TRPM4: variants seen among roughly 807,000 people sequenced by gnomAD.
The protein encoded by TRPM4 is calcium-activated non-selective cation channel 1.
TRPM4 carries 124 observed loss-of-function variants against 135.6 expected under a neutral mutation model. That is an observed-to-expected ratio of 0.91 (90% confidence interval 0.79 to 1.06). TRPM4 has a LOEUF of 1.06. TRPM4 is among the 50% of genes least tolerant of loss of function. TRPM4 has a pLI of 0.00. For synonymous variants in TRPM4, 745 were observed against 705.6 expected (o/e 1.06, Z -0.88); for missense variants, 1,658 against 1,671.4 (o/e 0.99, Z 0.14).
intron 16 of TRPM4, among the ~76,000 whole-genome samples, chr19:49,195,683 ATTT>A (rs1293818542): frequency 1.6e-5 from 2 of 127,158 alleles, no homozygotes; most frequent in African/African-American, 2.9e-5. Flanking sequence ...TTCTACTTTA[ATTT>A]TTTTTTTTTT....
Position 49,200,710 on chromosome 19 carries a change from C to T in TRPM4, c.2878C>T (p.Pro960Ser). 1.9e-6 allele frequency: 3 copies of T among 1,614,066 alleles called. No homozygotes were observed. The highest frequency in any genetic ancestry group is 2.5e-6 in the Non-Finnish European group (3 of 1,180,012). ...GLLRPRDSDF[P>S]SILRRVFYRP... Reference sequence around the variant, plus strand: ...CCTGAGGCCACGGGACAGTGACTTCCCAAGTATCCTGCGCCGCGTCTTCTA... The same window carrying T: ...CCTGAGGCCACGGGACAGTGACTTCTCAAGTATCCTGCGCCGCGTCTTCTA... The change falls in exon 19 of 25, where the codon CCA (proline) becomes TCA (serine). Residue 960 changes from proline to serine, a missense_variant. Coordinates refer to ENST00000252826, the MANE Select transcript of TRPM4 (RefSeq NM_017636.4).
At chr19:49,201,000 C>CTTTTCTT (rs1968911329) in intron 19 of TRPM4, among the ~76,000 whole-genome samples, 6 of 140,760 alleles carry the variant, frequency 4.3e-5, no homozygotes, top group African/African-American at 1.3e-4. Context: ...TTTCTTTTTT[C>CTTTTCTT]TTTTTTTTTT....
chr19:49,195,869 T>TTTA (rs746763684), intron 16 of TRPM4, among the ~76,000 whole-genome samples: 5,586 of 148,792 alleles, frequency 0.038, 136 homozygotes, highest in African/African-American at 0.044. Context: ...TTTTATTTAT[T>TTTA]TTATTATTAT....
chr19:49,166,291 G>T, intron 3 of TRPM4, 76 bp downstream of exon 3: 1 of 1,460,100 alleles, frequency 6.8e-7, no homozygotes, highest in Non-Finnish European at 9.2e-7. Flanking sequence ...GAGCCGGGAC[G>T]CCCGCCCTGA....
In TRPM4 at chr19:49,158,182, C is replaced by T. The variant is rs369312031; in HGVS notation, c.25-10C>T. 166 of 1,613,544 alleles carry T rather than the reference C, an allele frequency of 1.0e-4. 1 individual carries two copies. The Middle Eastern group carries it at 1.3e-3, about 13-fold the overall frequency. On this transcript the variant is annotated splice_polypyrimidine_tract_variant and intron_variant, in intron 1 of 24. Coordinates refer to ENST00000252826, the MANE Select transcript of TRPM4 (RefSeq NM_017636.4). The stretch of plus-strand genomic sequence containing the variant: ...CCCACTTCCACCCCTACATTTGTTC[C>T]TGTCCCCAGAGCTGGATCCCCAAGA...
At chr19:49,189,145 G>A in intron 14 of TRPM4, 54 bp downstream of exon 14, 1 of 1,611,420 alleles carries the variant, frequency 6.2e-7, no homozygotes. Context: ...ACTCTGGGAA[G>A]TATGGGGATG....
chr19:49,208,749 C>T (rs541825659), intron 20 of TRPM4, among the ~76,000 whole-genome samples: 14 of 152,056 alleles, frequency 9.2e-5, no homozygotes, highest in African/African-American at 3.1e-4. Flanking sequence ...CTTGCCTTGG[C>T]ACCTGGGTGG....
chr19:49,158,069 C>G, intron 1 of TRPM4, 123 bp from the exon 2 acceptor site: 1 of 1,285,970 alleles, frequency 7.8e-7, no homozygotes, highest in Non-Finnish European at 1.1e-6. Flanking sequence ...AGCGGGAGGG[C>G]GCTGGGGGCC....
intron 15 of TRPM4, 124 bp downstream of exon 15, chr19:49,190,444 C>T (rs557028783): frequency 1.1e-6 from 1 of 931,568 alleles, no homozygotes; most frequent in African/African-American, 1.6e-5. Flanking sequence ...GAATGGGACT[C>T]TCTGTCCCTC....
rs1405803054 is a variant in TRPM4, at chr19:49,158,313, G to C, written c.92+54G>C. On this transcript the variant is annotated intron_variant, in intron 2 of 24. Transcript: ENST00000252826. ...AGAGGGTCCGCGGCCCGCTGACCCC[G>C]CCCGCGGATGGTCACGCCCCAGCCC... 2.6e-6 allele frequency: 4 copies of C among 1,526,250 alleles called. No individual in the cohort carries two copies. In the East Asian group the frequency reaches 6.8e-5, roughly 26 times the overall value. The allele number at this position is 1,526,250 out of a possible 1,614,324, so 94.5% of individuals were successfully genotyped here.
rs1265203824 is a variant in TRPM4, at chr19:49,171,309, G to A, written c.797-48G>A. On this transcript the variant is annotated intron_variant, in intron 6 of 24. Coordinates refer to ENST00000252826, the MANE Select transcript of TRPM4 (RefSeq NM_017636.4). This position sits in a 1 kb window ranked among gnomAD's most constrained non-coding sequence, Gnocchi z 4.7. Reference sequence around the variant, plus strand: ...GAAATGCGGTTTTCTCCTATCTCCAGCAAAGGCTGATGGGAGGTAATCAAG... The same window carrying A: ...GAAATGCGGTTTTCTCCTATCTCCAACAAAGGCTGATGGGAGGTAATCAAG... 1.2e-6 allele frequency: 2 copies of A among 1,609,054 alleles called. No individual in the cohort carries two copies. The highest frequency in any genetic ancestry group is 1.7e-6 in the Non-Finnish European group (2 of 1,175,454).
intron 17 of TRPM4, among the ~76,000 whole-genome samples, chr19:49,200,015 C>A (rs1968853275): frequency 6.6e-6 from 1 of 152,134 alleles, no homozygotes; most frequent in Non-Finnish European, 1.5e-5. Context: ...GACAGATATT[C>A]CGGCAGTTTT....
chr19:49,210,546 C>G lies in TRPM4; in HGVS notation c.3328+141C>G. 1 of 1,417,900 alleles carries G rather than the reference C, an allele frequency of 7.1e-7. No individual in the cohort carries two copies. The highest frequency in any genetic ancestry group is 9.7e-7 in the Non-Finnish European group (1 of 1,025,818). The allele number at this position is 1,417,900 out of a possible 1,614,324, so 87.8% of individuals were successfully genotyped here. A position where few individuals can be genotyped will look rare whatever the true frequency, so the allele number is the denominator to read the frequency against. ...GGGGTTTAAGCAACAAGGGGCGGAG[C>G]TTAAGCACTGAGGGGCAGTGCTTAC... On this transcript the variant is annotated intron_variant, in intron 21 of 24. Transcript: ENST00000252826. This position sits in a 1 kb window ranked among gnomAD's most constrained non-coding sequence, Gnocchi z 4.1.
At chr19:49,158,883 C>T (rs1363273474) in intron 2 of TRPM4, 2 of 152,162 alleles carry the variant, frequency 1.3e-5, no homozygotes, top group East Asian at 3.9e-4. Flanking sequence ...TCTGCAGCTC[C>T]CACTGGGAGG....
At position 49,174,343 on chromosome 19, in the gene TRPM4, G is replaced by A. The variant is rs141430156; in HGVS notation, c.1150+2235G>A. Among the ~76,000 whole-genome samples the A allele has an allele frequency of 9.9e-4, 151 of 152,170 alleles. 1 individual carries two copies. The highest frequency in any genetic ancestry group is 3.5e-3 in the African/African-American group (145 of 41,560). ...GATTTTTGTATTTTTAGTAGAGACG[G>A]TGTTTCACCATGTTGGTCAGGCTGG... On this transcript the variant is annotated intron_variant, in intron 9 of 24. Transcript: ENST00000252826.
rs773880484 is a variant in TRPM4, at chr19:49,171,585, A to G, written c.866A>G (p.Glu289Gly). Reference sequence around the variant, plus strand: ...AATGCCTTTATCCTGTAGCGAATAGAGAACGCCACCCAGGCTCAGCTCCCA... The same window carrying G: ...AATGCCTTTATCCTGTAGCGAATAGGGAACGCCACCCAGGCTCAGCTCCCA... ...DGDEKMLTRIENATQAQLPCL... is the reference protein window; with the variant it reads ...DGDEKMLTRIGNATQAQLPCL... Residue 289 changes from glutamate to glycine, a missense_variant, in exon 8 of 25, where the codon GAG becomes GGG. Coordinates refer to ENST00000252826, the MANE Select transcript of TRPM4 (RefSeq NM_017636.4). This position sits in a 1 kb window ranked among gnomAD's most constrained non-coding sequence, Gnocchi z 4.7. The G allele has an allele frequency of 2.5e-6, 4 of 1,614,054 alleles. No individual in the cohort carries two copies. The Admixed American group carries it at 6.7e-5, about 27-fold the overall frequency.
At chr19:49,161,321 C>CCTTTTTTTTTTTTTTTTTTTTT (rs1568453064) in intron 2 of TRPM4, among the ~76,000 whole-genome samples, 2 of 108,966 alleles carry the variant, frequency 1.8e-5, no homozygotes. Context: ...CTGTCTCTCT[C>CCTTTTTTTTTTTTTTTTTTTTT]TCTTTTTTTT....
Position 49,168,088 on chromosome 19 carries a change from C to G in TRPM4, c.439C>G (p.Gln147Glu). 2 of 1,605,374 alleles carry G rather than the reference C, an allele frequency of 1.2e-6. No homozygotes were observed. The highest frequency in any genetic ancestry group is 1.7e-6 in the Non-Finnish European group (2 of 1,178,332). The change falls in exon 4 of 25, where the codon CAG becomes GAG. Residue 147 changes from glutamine to glutamate, a missense_variant. By Grantham distance (29) the Gln-to-Glu change is conservative. Transcript: ENST00000252826. Reference protein sequence around the residue: ...LLRRGLVRAAQSTGAWIVTGG... With the variant: ...LLRRGLVRAAESTGAWIVTGG... Reference sequence around the variant, plus strand: ...GCGTCGTGGGCTGGTGCGGGCTGCCCAGAGCACAGGTGACCGAGGGTGGGT... The same window carrying G: ...GCGTCGTGGGCTGGTGCGGGCTGCCGAGAGCACAGGTGACCGAGGGTGGGT...
At position 49,210,919 on chromosome 19, in the gene TRPM4, G is replaced by T. The variant is rs1423078301; in HGVS notation, c.3461+77G>T. 1 of 1,589,418 alleles carries T rather than the reference G, an allele frequency of 6.3e-7. No homozygotes were observed. Among genetic ancestry groups the T allele is most frequent in the Non-Finnish European group, 8.6e-7 (1 of 1,168,792 alleles). ...GACTTCAGCTGAAGGCAGGGTCCTGGGAGGGAGGGAGAGAGGGAGGAGGCC... is the reference window on the plus strand; with the variant it reads ...GACTTCAGCTGAAGGCAGGGTCCTGTGAGGGAGGGAGAGAGGGAGGAGGCC... On this transcript the variant is annotated intron_variant, in intron 22 of 24. Coordinates refer to ENST00000252826, the MANE Select transcript of TRPM4 (RefSeq NM_017636.4). This position sits in a 1 kb window ranked among gnomAD's most constrained non-coding sequence, Gnocchi z 4.1.
Sources: gnomAD v4.1 joint callset for allele counts (sites outside exome capture counted in the v4.1 genomes callset) on GRCh38, gnomAD v4.1.1 for gene constraint, Gnocchi (gnomAD v3.1) non-coding constraint, MANE v1.5 for transcripts, NCBI Gene and HGNC (gene_info 2026-07-23, HGNC 2026-07-21) for gene names.